TBCK: variants seen among roughly 807,000 people sequenced by gnomAD.
The protein encoded by TBCK is TBC1 domain containing kinase.
Under a neutral mutation model 113.4 loss-of-function variants are expected in TBCK, and 99 were observed. The observed-to-expected ratio is 0.87, with a 90% CI of 0.74 to 1.03. TBCK has a LOEUF of 1.03. TBCK is among the 50% of genes least tolerant of loss of function. The pLI, the probability that TBCK is intolerant of heterozygous loss-of-function variation, is 0.00. For missense variants in TBCK, 1,045 were observed against 1,061.3 expected, an observed-to-expected ratio of 0.98 and a Z score of 0.21; for synonymous variants, 369 against 370.8, an observed-to-expected ratio of 1.00 and a Z score of 0.05.
In TBCK at chr4:106,043,190, T is replaced by A. The variant is rs535992925; in HGVS notation, c.*3380A>T. The A allele has an allele frequency of 2.0e-5, 3 of 152,290 alleles. No homozygotes were observed. Among genetic ancestry groups the A allele is most frequent in the Non-Finnish European group, 4.4e-5 (3 of 68,026 alleles). The allele number at this position is 152,290 out of a possible 1,614,324, so 9.4% of individuals were successfully genotyped here. A position where few individuals can be genotyped will look rare whatever the true frequency, so the allele number is the denominator to read the frequency against. ...AAGCATTAGTTATTTTTAATATGCT[T>A]TTTGAATCTAACATTTCTGTATTTT... On this transcript the variant is annotated 3_prime_UTR_variant, in exon 26 of 26. Coordinates refer to ENST00000394708, the MANE Select transcript of TBCK (RefSeq NM_001163435.3).
At chr4:106,217,024 C>T (rs910805638) in intron 19 of TBCK, among the ~76,000 whole-genome samples, 1 of 152,122 alleles carries the variant, frequency 6.6e-6, no homozygotes, top group Non-Finnish European at 1.5e-5. Flanking sequence ...CCACCATGAT[C>T]AAGTGGGCTT....
At chr4:106,116,083 T>G (rs1393765866) in intron 24 of TBCK, 120 bp downstream of exon 24, 1 of 906,614 alleles carries the variant, frequency 1.1e-6, no homozygotes, top group Admixed American at 2.7e-5. Context: ...GAGAGTAATT[T>G]AACTACTTGA....
intron 23 of TBCK, among the ~76,000 whole-genome samples, chr4:106,121,202 A>T (rs1287811057): frequency 6.6e-6 from 1 of 151,770 alleles, no homozygotes; most frequent in Non-Finnish European, 1.5e-5. Flanking sequence ...ATGGAAAACA[A>T]AAAAAGGCAG....
intron 9 of TBCK, 50 bp downstream of exon 9, chr4:106,248,195 C>T (rs771611428): frequency 1.0e-5 from 13 of 1,300,100 alleles, no homozygotes; most frequent in Non-Finnish European, 1.3e-5. Flanking sequence ...AAACCAATTG[C>T]TTATGCGTAA....
At chr4:106,309,884 G>A (rs1768003791) in intron 1 of TBCK, 1 of 152,138 alleles carries the variant, frequency 6.6e-6, no homozygotes, top group Non-Finnish European at 1.5e-5. Context: ...TTTAGAGATA[G>A]TTGTTCCATG....
At chr4:106,303,244 C>T (rs1340995811) in intron 2 of TBCK, among the ~76,000 whole-genome samples, 6 of 152,086 alleles carry the variant, frequency 3.9e-5, no homozygotes, top group Admixed American at 3.9e-4. Context: ...AAGTCTAGTA[C>T]CTGACATTAG....
Position 106,191,159 on chromosome 4 carries a change from A to G in TBCK, c.2059+2450T>C, listed in dbSNP as rs200784138. Among the ~76,000 whole-genome samples the G allele has an allele frequency of 2.0e-5, 3 of 152,186 alleles. No individual in the cohort carries two copies. The East Asian group carries it at 5.8e-4, about 29-fold the overall frequency. The stretch of plus-strand genomic sequence containing the variant: ...ACAGTATAACAACTATTTACATAGC[A>G]TTTCCATTGTATTAGGCATTAGAAG... On this transcript the variant is annotated intron_variant, in intron 22 of 25. Coordinates refer to ENST00000394708, the MANE Select transcript of TBCK (RefSeq NM_001163435.3).
At chr4:106,265,094 A>C (rs1480753893) in intron 3 of TBCK, among the ~76,000 whole-genome samples, 1 of 151,960 alleles carries the variant, frequency 6.6e-6, no homozygotes. Context: ...ATCATTAAGC[A>C]TGTACTTTCA....
At chr4:106,122,681 T>C (rs1001803790) in intron 23 of TBCK, among the ~76,000 whole-genome samples, 2 of 152,114 alleles carry the variant, frequency 1.3e-5, no homozygotes, top group African/African-American at 2.4e-5. Context: ...TCCACTATCA[T>C]CAAGTGGGCT....
intron 12 of TBCK, chr4:106,238,594 T>C (rs1345914742): frequency 6.6e-6 from 1 of 152,064 alleles, no homozygotes; most frequent in Non-Finnish European, 1.5e-5. Context: ...CAAGGATAGG[T>C]ACCTATTTCA....
intron 3 of TBCK, among the ~76,000 whole-genome samples, chr4:106,287,582 A>T (rs1270815851): frequency 6.6e-6 from 1 of 152,196 alleles, no homozygotes; most frequent in Non-Finnish European, 1.5e-5. Context: ...GTTTGTTGAC[A>T]CTAGGTTACC....
chr4:106,210,979 AAG>A (rs1322503405), intron 20 of TBCK, among the ~76,000 whole-genome samples: 1 of 152,036 alleles, frequency 6.6e-6, no homozygotes, highest in Admixed American at 6.6e-5. Flanking sequence ...TTATTTTTTA[AAG>A]AGATGAAGTG....
chr4:106,260,258 G>A (rs1762378390), intron 5 of TBCK, among the ~76,000 whole-genome samples, 179 bp downstream of exon 5: 1 of 151,868 alleles, frequency 6.6e-6, no homozygotes, highest in Non-Finnish European at 1.5e-5. Context: ...CAACGAGGAT[G>A]CTGGGAAAAA....
chr4:106,187,546 A>G (rs1287743725), intron 22 of TBCK, among the ~76,000 whole-genome samples: 1 of 152,014 alleles, frequency 6.6e-6, no homozygotes, highest in African/African-American at 2.4e-5. Context: ...CCTCCTGAGT[A>G]GCCAGAATTA....
At chr4:106,284,866 G>A (rs780411348) in intron 3 of TBCK, among the ~76,000 whole-genome samples, 1 of 152,128 alleles carries the variant, frequency 6.6e-6, no homozygotes, top group Admixed American at 6.5e-5. Flanking sequence ...AAGAGGAGTT[G>A]AGATCTAAAT....
chr4:106,101,357 GAA>G (rs1413727675), intron 24 of TBCK, among the ~76,000 whole-genome samples: 1 of 152,060 alleles, frequency 6.6e-6, no homozygotes, highest in East Asian at 1.9e-4. Context: ...TCAAATATGG[GAA>G]TACAATTGGA....
At chr4:106,283,171 C>A (rs1366733985) in intron 3 of TBCK, among the ~76,000 whole-genome samples, 2 of 152,060 alleles carry the variant, frequency 1.3e-5, no homozygotes, top group South Asian at 2.1e-4. Flanking sequence ...AACTCCATGA[C>A]TAACCTAAAA....
chr4:106,282,628 G>T (rs1229716131), intron 3 of TBCK, among the ~76,000 whole-genome samples: 1 of 151,894 alleles, frequency 6.6e-6, no homozygotes, highest in East Asian at 1.9e-4. Context: ...ATTGTTTCAA[G>T]AAATTTTTCA....
At chr4:106,128,618 G>C (rs1327209885) in intron 23 of TBCK, among the ~76,000 whole-genome samples, 1 of 152,012 alleles carries the variant, frequency 6.6e-6, no homozygotes, top group East Asian at 1.9e-4. Flanking sequence ...AAATGAAATA[G>C]TTTCAGGCAA....
Sources: allele counts gnomAD v4.1 joint callset (sites outside exome capture counted in the v4.1 genomes callset), GRCh38; gene constraint gnomAD v4.1.1; transcripts MANE v1.5; gene names NCBI Gene and HGNC (gene_info 2026-07-23, HGNC 2026-07-21).